Variants in SEL1L2 observed in about 807,000 individuals in gnomAD.
The protein encoded by SEL1L2 is protein sel-1 homolog 2.
In SEL1L2, 89 loss-of-function variants were observed where a neutral mutation model predicts 98.8. That is an observed-to-expected ratio of 0.90 (90% CI 0.76 to 1.07). SEL1L2 has a LOEUF of 1.07. Ranked by LOEUF, SEL1L2 falls within the 50% of genes least tolerant of loss-of-function variation. The pLI, the probability that SEL1L2 is intolerant of heterozygous loss-of-function variation, is 0.00. For missense variants in SEL1L2, 788 were observed against 812.0 expected (o/e 0.97, Z 0.36); for synonymous variants, 262 against 278.5 (o/e 0.94, Z 0.59).
At chr20:13,936,967 A>C (rs184385304) in intron 2 of SEL1L2, among the ~76,000 whole-genome samples, 1 of 152,236 alleles carries the variant, frequency 6.6e-6, no homozygotes, top group Non-Finnish European at 1.5e-5. Flanking sequence ...TGACCTAAAA[A>C]TGTCACAGTG....
intron 18 of SEL1L2, among the ~76,000 whole-genome samples, chr20:13,855,393 A>C (rs1210802625): frequency 6.6e-6 from 1 of 150,538 alleles, no homozygotes; most frequent in Non-Finnish European, 1.5e-5. Context: ...GCTTGTTTGT[A>C]TTTTTTGGCG....
At chr20:13,909,153 C>T (rs1021986496) in intron 5 of SEL1L2, among the ~76,000 whole-genome samples, 1 of 152,154 alleles carries the variant, frequency 6.6e-6, no homozygotes, top group Non-Finnish European at 1.5e-5. Context: ...CTTCTTTACC[C>T]ACATTTCTGT....
At chr20:13,926,232 G>A (rs778771883) in intron 3 of SEL1L2, among the ~76,000 whole-genome samples, 37 of 152,262 alleles carry the variant, frequency 2.4e-4, no homozygotes, top group Admixed American at 3.9e-4. Flanking sequence ...GGAGAATGGC[G>A]TGAACCCTGG....
intron 10 of SEL1L2, among the ~76,000 whole-genome samples, chr20:13,878,083 G>A (rs2046517767): frequency 1.3e-5 from 2 of 152,128 alleles, no homozygotes; most frequent in African/African-American, 4.8e-5. Flanking sequence ...AGTGAGCTTT[G>A]AGACAATTCC....
chr20:13,857,772 C>T (rs1989397576), intron 18 of SEL1L2, among the ~76,000 whole-genome samples: 1 of 152,162 alleles, frequency 6.6e-6, no homozygotes, highest in Non-Finnish European at 1.5e-5. Context: ...TGAAGCCTTA[C>T]TTAGCAGTTG....
chr20:13,886,521 T>C lies in SEL1L2; in HGVS notation c.746-79A>G, dbSNP rs532553156. 9.9e-6 allele frequency: 11 copies of C among 1,107,158 alleles called. No homozygotes were observed. The Admixed American group carries it at 1.7e-4, about 17-fold the overall frequency. 68.6% of individuals were successfully genotyped at this position (1,107,158 alleles called of 1,614,324 possible). A position where few individuals can be genotyped will look rare whatever the true frequency, so the allele number is the denominator to read the frequency against. ...AACAGTCAATTTAGAGAAAACACCG[T>C]TAGCTTATTATCTTAAATTGTGCAG... is the stretch of plus-strand genomic sequence containing the variant. On this transcript the variant is annotated intron_variant, in intron 8 of 19. Transcript: ENST00000284951.
intron 1 of SEL1L2, among the ~76,000 whole-genome samples, chr20:13,983,099 T>C (rs930326087): frequency 1.4e-5 from 2 of 145,816 alleles, no homozygotes; most frequent in African/African-American, 2.5e-5. Flanking sequence ...ATGATTAGTT[T>C]AACATGATTA....
intron 2 of SEL1L2, among the ~76,000 whole-genome samples, chr20:13,932,433 TTATTA>T (rs2049187544): frequency 6.7e-6 from 1 of 148,774 alleles, no homozygotes; most frequent in African/African-American, 2.5e-5. Flanking sequence ...ATTATTATTA[TTATTA>T]TTATTATTTT....
chr20:13,924,454 C>T (rs1198357712), intron 3 of SEL1L2, among the ~76,000 whole-genome samples: 1 of 151,364 alleles, frequency 6.6e-6, no homozygotes, highest in African/African-American at 2.4e-5. Flanking sequence ...GAGACAGGGT[C>T]TCACTCTGTT....
In SEL1L2 at chr20:13,896,954, A is replaced by T. The variant is rs144698944; in HGVS notation, c.550-8442T>A. The stretch of plus-strand genomic sequence containing the variant: ...CAAAAGAACCATGCATAGCCAAAAC[A>T]ATCTTGAGAAAGAAAAACAAAATGG... On this transcript the variant is annotated intron_variant, in intron 5 of 19. Coordinates refer to ENST00000284951, the MANE Select transcript of SEL1L2 (RefSeq NM_025229.2). Among the ~76,000 whole-genome samples the T allele has an allele frequency of 5.1e-3, 770 of 152,334 alleles. 8 individuals are homozygous for T. Among genetic ancestry groups the T allele is most frequent in the African/African-American group, 0.017 (719 of 41,574 alleles).
At chr20:13,977,019 G>C (rs2051573920) in intron 1 of SEL1L2, among the ~76,000 whole-genome samples, 1 of 152,150 alleles carries the variant, frequency 6.6e-6, no homozygotes, top group African/African-American at 2.4e-5. Flanking sequence ...ATGCAATTTG[G>C]AGTACTTGAG....
At chr20:13,905,526 G>A (rs973245948) in intron 5 of SEL1L2, among the ~76,000 whole-genome samples, 1 of 152,026 alleles carries the variant, frequency 6.6e-6, no homozygotes, top group Non-Finnish European at 1.5e-5. Flanking sequence ...ATGTTAGCCA[G>A]AATGGTCTCG....
rs191002579 is a variant in SEL1L2 at position 13,883,269 on chromosome 20, T to C, written c.957+2078A>G. ...TGGTTCTGGAATTAAACTCGTCTTC[T>C]TGGGATATGTGGAAGCAGGAGGCCC... is the stretch of plus-strand genomic sequence containing the variant. On this transcript the variant is annotated intron_variant, in intron 10 of 19. Coordinates refer to ENST00000284951, the MANE Select transcript of SEL1L2 (RefSeq NM_025229.2). Among the ~76,000 whole-genome samples the C allele has an allele frequency of 1.6e-4, 25 of 152,316 alleles. No individual in the cohort carries two copies. The East Asian group carries it at 4.8e-3, about 29-fold the overall frequency.
intron 18 of SEL1L2, 151 bp downstream of exon 18, chr20:13,859,111 T>C (rs1251099460): frequency 6.0e-6 from 4 of 669,648 alleles, no homozygotes; most frequent in African/African-American, 3.6e-5. Context: ...GTAAGTAATA[T>C]GTATTGGCAC....
intron 1 of SEL1L2, among the ~76,000 whole-genome samples, chr20:13,963,104 A>G (rs28522134): frequency 8.7e-5 from 1 of 11,532 alleles, no homozygotes; most frequent in South Asian, 6.9e-3. Context: ...AGAAAATATA[A>G]AAAAAAACTC....
At chr20:13,885,897 T>TG (rs745834608) in intron 9 of SEL1L2, among the ~76,000 whole-genome samples, 1 of 151,934 alleles carries the variant, frequency 6.6e-6, no homozygotes, top group African/African-American at 2.4e-5. Flanking sequence ...TAGCCAGGCG[T>TG]GGTGGTGTGG....
At chr20:13,962,143 G>C (rs1031722587) in intron 1 of SEL1L2, among the ~76,000 whole-genome samples, 21 of 152,120 alleles carry the variant, frequency 1.4e-4, no homozygotes, top group Non-Finnish European at 2.8e-4. Flanking sequence ...AATCGTTGAG[G>C]CCTAAGGGTG....
At chr20:13,913,575 C>T (rs1363628697) in intron 5 of SEL1L2, 1 of 405,218 alleles carries the variant, frequency 2.5e-6, no homozygotes, top group African/African-American at 2.1e-5. Flanking sequence ...TAGGTGAATA[C>T]ATTTTATATA....
intron 5 of SEL1L2, among the ~76,000 whole-genome samples, chr20:13,903,449 C>G (rs2047774748): frequency 7.2e-5 from 11 of 152,190 alleles, no homozygotes; most frequent in Admixed American, 7.2e-4. Context: ...ATTTCTGTCA[C>G]CATTCTTAGA....
Sources: gnomAD v4.1 joint callset for allele counts (sites outside exome capture counted in the v4.1 genomes callset) on GRCh38, gnomAD v4.1.1 for gene constraint, MANE v1.5 for transcripts, NCBI Gene and HGNC (gene_info 2026-07-23, HGNC 2026-07-21) for gene names.